EPHA3: variants seen among roughly 807,000 people sequenced by gnomAD.
EPHA3 encodes the protein ephrin type-A receptor 3.
EPHA3 carries 42 observed loss-of-function variants against 107.1 expected under a neutral mutation model. The ratio of observed to expected loss-of-function variants is 0.39; its 90% CI spans 0.31 to 0.51. EPHA3 has a LOEUF of 0.51. EPHA3 is among the 20% of genes least tolerant of loss of function. The probability of loss-of-function intolerance (pLI) is 0.78; values close to 1 mark genes in which losing one functional copy is unlikely to be tolerated. For synonymous variants in EPHA3, 461 were observed against 424.8 expected (o/e 1.09, Z -1.05); for missense variants, 1,183 against 1,211.2 (o/e 0.98, Z 0.35).
At chr3:89,110,280 T>C (rs1199538821) in intron 1 of EPHA3, among the ~76,000 whole-genome samples, 1 of 151,982 alleles carries the variant, frequency 6.6e-6, no homozygotes, top group East Asian at 1.9e-4. Flanking sequence ...TGTTATGAAG[T>C]TAGGCATTTG....
At chr3:89,164,773 T>C (rs186153619) in intron 2 of EPHA3, among the ~76,000 whole-genome samples, 1 of 152,334 alleles carries the variant, frequency 6.6e-6, no homozygotes, top group African/African-American at 2.4e-5. Context: ...TAATAGAATG[T>C]GTGCTGGTAG....
At chr3:89,450,402 C>T (rs1709963115) in intron 15 of EPHA3, 32 bp downstream of exon 15, 1 of 1,583,386 alleles carries the variant, frequency 6.3e-7, no homozygotes, top group African/African-American at 1.3e-5. Flanking sequence ...CTGGCATTCA[C>T]TCTGAAATTT....
chr3:89,234,849 C>G (rs947527637), intron 3 of EPHA3, among the ~76,000 whole-genome samples: 3 of 124,628 alleles, frequency 2.4e-5, no homozygotes, highest in African/African-American at 9.4e-5. Context: ...TTCCTTCCTT[C>G]CTTCCTCCCT....
chr3:89,305,896 G>A (rs35087119), intron 3 of EPHA3, among the ~76,000 whole-genome samples: 11,063 of 152,034 alleles, frequency 0.073, 562 homozygotes, highest in South Asian at 0.12. Context: ...ATATCATACC[G>A]AAGTAATTTT....
At chr3:89,172,771 C>T (rs1705237552) in intron 2 of EPHA3, among the ~76,000 whole-genome samples, 1 of 152,040 alleles carries the variant, frequency 6.6e-6, no homozygotes, top group Non-Finnish European at 1.5e-5. Context: ...TTAATAATAA[C>T]AGGACATCAA....
At chr3:89,366,963 C>G (rs972502650) in intron 5 of EPHA3, among the ~76,000 whole-genome samples, 1 of 150,708 alleles carries the variant, frequency 6.6e-6, no homozygotes, top group Admixed American at 6.7e-5. Flanking sequence ...AAACTCTCTT[C>G]TATTTCTATA....
chr3:89,391,382 T>TTTTTCTTTTCTTTTCTTTTCTTTTC (rs58910915), intron 5 of EPHA3, among the ~76,000 whole-genome samples: 1 of 138,364 alleles, frequency 7.2e-6, no homozygotes, highest in African/African-American at 2.8e-5. Context: ...TATTTGTATT[T>TTTTTCTTTTCTTTTCTTTTCTTTTC]TTTTCTTTTC....
At chr3:89,206,707 T>C (rs953727963) in intron 2 of EPHA3, among the ~76,000 whole-genome samples, 2 of 152,210 alleles carry the variant, frequency 1.3e-5, no homozygotes, top group Admixed American at 6.6e-5. Context: ...GACTGTATTA[T>C]TATAGGCACC....
intron 5 of EPHA3, among the ~76,000 whole-genome samples, chr3:89,358,380 G>A (rs1354479197): frequency 6.6e-6 from 1 of 150,924 alleles, no homozygotes; most frequent in East Asian, 1.9e-4. Context: ...ATAACTCCAG[G>A]TTTTCTTTGG....
intron 7 of EPHA3, among the ~76,000 whole-genome samples, chr3:89,402,627 A>G (rs1288795275): frequency 2.6e-5 from 4 of 152,138 alleles, no homozygotes; most frequent in African/African-American, 9.7e-5. Flanking sequence ...AAAAATAGAC[A>G]TAAGACTTCT....
intron 3 of EPHA3, among the ~76,000 whole-genome samples, chr3:89,301,593 A>G (rs1483256233): frequency 1.3e-5 from 2 of 152,122 alleles, no homozygotes; most frequent in Non-Finnish European, 1.5e-5. Context: ...TTCAGCAACT[A>G]TTTTCACAGA....
chr3:89,287,025 A>G (rs762244345), intron 3 of EPHA3, among the ~76,000 whole-genome samples: 6 of 152,182 alleles, frequency 3.9e-5, no homozygotes, highest in Non-Finnish European at 5.9e-5. Flanking sequence ...AACATGTTCT[A>G]TCTTTTCATA....
chr3:89,475,052 GC>G (rs1390154293), intron 16 of EPHA3, among the ~76,000 whole-genome samples: 3 of 152,190 alleles, frequency 2.0e-5, no homozygotes, highest in Non-Finnish European at 2.9e-5. Flanking sequence ...TAACACCTTT[GC>G]CCTAACACTC....
At chr3:89,300,763 T>G (rs1181673484) in intron 3 of EPHA3, among the ~76,000 whole-genome samples, 1 of 152,028 alleles carries the variant, frequency 6.6e-6, no homozygotes, top group Non-Finnish European at 1.5e-5. Context: ...GCCATTTATT[T>G]TAATAAAGGA....
intron 11 of EPHA3, among the ~76,000 whole-genome samples, chr3:89,423,186 A>T (rs1195949089): frequency 1.3e-5 from 2 of 151,448 alleles, no homozygotes; most frequent in East Asian, 1.9e-4. Flanking sequence ...AGGAAATTTT[A>T]AAAAATTACC....
chr3:89,424,196 C>T (rs1328987309), intron 11 of EPHA3, among the ~76,000 whole-genome samples: 2 of 151,270 alleles, frequency 1.3e-5, no homozygotes, highest in East Asian at 3.9e-4. Context: ...AGATACTACA[C>T]CATTTCCCAA....
intron 15 of EPHA3, among the ~76,000 whole-genome samples, chr3:89,455,431 T>C (rs145647040): frequency 6.6e-6 from 1 of 152,296 alleles, no homozygotes; most frequent in East Asian, 1.9e-4. Context: ...AGGGAGTCTG[T>C]CATGAACCTA....
chr3:89,130,429 C>T (rs552331132), intron 2 of EPHA3, among the ~76,000 whole-genome samples: 57 of 152,198 alleles, frequency 3.7e-4, no homozygotes, highest in African/African-American at 1.4e-3. Flanking sequence ...TCATTTCAAA[C>T]TTGAATCTTT....
At chr3:89,229,664 T>C (rs1398560586) in intron 3 of EPHA3, among the ~76,000 whole-genome samples, 2 of 151,878 alleles carry the variant, frequency 1.3e-5, no homozygotes, top group African/African-American at 4.8e-5. Flanking sequence ...TAAGTTCAAT[T>C]TCAATATTTG....
Sources: gnomAD v4.1 joint callset for allele counts (sites outside exome capture counted in the v4.1 genomes callset) on GRCh38, gnomAD v4.1.1 for gene constraint, MANE v1.5 for transcripts, NCBI Gene and HGNC (gene_info 2026-07-23, HGNC 2026-07-21) for gene names.